Variants in MACROD2 observed in about 807,000 individuals in gnomAD.
The protein encoded by MACROD2 is mono-ADP ribosylhydrolase 2.
In MACROD2, 36 loss-of-function variants were observed where a neutral mutation model predicts 70.4. That is an observed-to-expected ratio of 0.51 (90% CI 0.39 to 0.68). The LOEUF (loss-of-function observed/expected upper bound fraction) is 0.68, where lower values mean the gene tolerates loss of function less well. Among genes scored for constraint, MACROD2 ranks in the 30% least tolerant of loss-of-function variants. The pLI, the probability that MACROD2 is intolerant of heterozygous loss-of-function variation, is 0.00. For missense variants in MACROD2, 496 were observed against 538.4 expected (o/e 0.92, Z 0.78); for synonymous variants, 172 against 178.8 (o/e 0.96, Z 0.30).
intron 7 of MACROD2, among the ~76,000 whole-genome samples, chr20:15,435,581 C>T (rs2046417817): frequency 6.6e-6 from 1 of 152,086 alleles, no homozygotes; most frequent in South Asian, 2.1e-4. Flanking sequence ...AAATTGTTGC[C>T]AATTTACTGA....
At chr20:14,212,987 C>G (rs1051444713) in intron 3 of MACROD2, among the ~76,000 whole-genome samples, 27 of 151,742 alleles carry the variant, frequency 1.8e-4, no homozygotes, top group Admixed American at 3.9e-4. Flanking sequence ...TGTCAGTATA[C>G]ATCACGCAAC....
At chr20:15,157,829 A>G (rs2145870608) in intron 5 of MACROD2, among the ~76,000 whole-genome samples, 1 of 152,196 alleles carries the variant, frequency 6.6e-6, no homozygotes, top group Non-Finnish European at 1.5e-5. Context: ...CCTCTTCAGA[A>G]GTAGCCCTCT....
rs73614403 is a variant in MACROD2 at position 15,254,857 on chromosome 20, G to A, written c.540+24796G>A. Among the ~76,000 whole-genome samples the A allele has an allele frequency of 4.0e-5, 6 of 150,592 alleles. No individual in the cohort carries two copies. In the East Asian group the frequency reaches 1.2e-3, roughly 30 times the overall value. ...AGATCTATCTGACTACAAAGCCCAA[G>A]CTTGTGGACTTACCCTCCATTTGTC... On this transcript the variant is annotated intron_variant, in intron 6 of 17. Transcript: ENST00000684519.
chr20:14,092,325 A>C (rs966996709), intron 3 of MACROD2, among the ~76,000 whole-genome samples: 54 of 152,156 alleles, frequency 3.5e-4, no homozygotes, highest in Admixed American at 3.5e-3. Context: ...ATATCAGTTC[A>C]TATCTTTTGC....
rs74272618 is a variant in MACROD2, at chr20:15,902,262, T to C, written c.775+16451T>C. Among the ~76,000 whole-genome samples the C allele has an allele frequency of 8.2e-3, 1,242 of 152,206 alleles. 30 individuals are homozygous for C. The highest frequency in any genetic ancestry group is 0.072 in the East Asian group (371 of 5,172). ...GCCTACCATTTGACGGTGTAGGTATTGTTCTAAGCCCTGAACACAATATAA... is the reference window on the plus strand; with the variant it reads ...GCCTACCATTTGACGGTGTAGGTATCGTTCTAAGCCCTGAACACAATATAA... On this transcript the variant is annotated intron_variant, in intron 10 of 17. Transcript: ENST00000684519.
chr20:15,573,523 G>A (rs2048403431), intron 8 of MACROD2, among the ~76,000 whole-genome samples: 1 of 152,156 alleles, frequency 6.6e-6, no homozygotes, highest in Non-Finnish European at 1.5e-5. Flanking sequence ...GGATGAGAGA[G>A]GCCAAGAACT....
intron 8 of MACROD2, among the ~76,000 whole-genome samples, chr20:15,584,101 A>T (rs1320658293): frequency 6.6e-6 from 1 of 152,230 alleles, no homozygotes; most frequent in Non-Finnish European, 1.5e-5. Flanking sequence ...CAAAGATTTT[A>T]CCCCATAGAA....
chr20:15,968,796 CGTATATATATAT>C (rs1304547635), intron 13 of MACROD2, among the ~76,000 whole-genome samples: 51 of 50,230 alleles, frequency 1.0e-3, no homozygotes, highest in African/African-American at 2.4e-3. Flanking sequence ...ATATATTATG[CGTATATATATAT>C]ATATATATAT....
At chr20:14,207,652 T>G (rs1391532966) in intron 3 of MACROD2, among the ~76,000 whole-genome samples, 1 of 152,160 alleles carries the variant, frequency 6.6e-6, no homozygotes, top group Non-Finnish European at 1.5e-5. Context: ...GCTATTCGGT[T>G]ATGAGGCAGA....
At chr20:15,076,336 A>G (rs1240084790) in intron 5 of MACROD2, among the ~76,000 whole-genome samples, 1 of 152,182 alleles carries the variant, frequency 6.6e-6, no homozygotes, top group East Asian at 1.9e-4. Flanking sequence ...TAACACTGGT[A>G]TAAATATCTT....
chr20:15,303,184 T>C (rs1194830508), intron 6 of MACROD2, among the ~76,000 whole-genome samples: 2 of 152,356 alleles, frequency 1.3e-5, no homozygotes, highest in East Asian at 3.9e-4. Context: ...GCATTCTTTC[T>C]TTCTGAACAT....
At chr20:14,617,101 A>G (rs1189290821) in intron 4 of MACROD2, among the ~76,000 whole-genome samples, 1 of 152,086 alleles carries the variant, frequency 6.6e-6, no homozygotes, top group Admixed American at 6.6e-5. Flanking sequence ...ATTCAGTCCT[A>G]TTACCTGAAC....
At chr20:15,609,917 A>G (rs1305416540) in intron 8 of MACROD2, among the ~76,000 whole-genome samples, 1 of 152,184 alleles carries the variant, frequency 6.6e-6, no homozygotes, top group African/African-American at 2.4e-5. Flanking sequence ...GTCCCAGAAC[A>G]TGCTATTACT....
chr20:14,335,828 T>C (rs1183781507), intron 3 of MACROD2, among the ~76,000 whole-genome samples: 1 of 152,328 alleles, frequency 6.6e-6, no homozygotes, highest in East Asian at 1.9e-4. Context: ...TTTGTAACTC[T>C]GTTTTTATTT....
chr20:15,093,549 G>T (rs2075807564), intron 5 of MACROD2, among the ~76,000 whole-genome samples: 1 of 151,944 alleles, frequency 6.6e-6, no homozygotes, highest in African/African-American at 2.4e-5. Flanking sequence ...AACTTTTTAG[G>T]TTTGTTCTGA....
At chr20:15,972,607 C>A (rs764874798) in intron 13 of MACROD2, among the ~76,000 whole-genome samples, 1 of 152,040 alleles carries the variant, frequency 6.6e-6, no homozygotes, top group African/African-American at 2.4e-5. Flanking sequence ...GTCAGGAGTT[C>A]GAGACCAGCC....
At chr20:15,274,093 G>T (rs149370506) in intron 6 of MACROD2, among the ~76,000 whole-genome samples, 1 of 152,180 alleles carries the variant, frequency 6.6e-6, no homozygotes, top group Non-Finnish European at 1.5e-5. Context: ...CTCATGACTG[G>T]TAAGAATAAG....
At chr20:15,206,171 G>A (rs1038435697) in intron 5 of MACROD2, among the ~76,000 whole-genome samples, 1 of 151,930 alleles carries the variant, frequency 6.6e-6, no homozygotes, top group Non-Finnish European at 1.5e-5. Flanking sequence ...CGTGGTTTAG[G>A]TATAAATATT....
chr20:15,319,256 A>C (rs116981213), intron 6 of MACROD2, among the ~76,000 whole-genome samples: 2 of 152,212 alleles, frequency 1.3e-5, no homozygotes, highest in African/African-American at 4.8e-5. Flanking sequence ...TTTAAATAAT[A>C]AATGAATTGT....
Sources: gnomAD v4.1 joint callset for allele counts (sites outside exome capture counted in the v4.1 genomes callset) on GRCh38, gnomAD v4.1.1 for gene constraint, MANE v1.5 for transcripts, NCBI Gene and HGNC (gene_info 2026-07-23, HGNC 2026-07-21) for gene names.